SPAG16: variants seen among roughly 807,000 people sequenced by gnomAD.
SPAG16 encodes sperm-associated antigen 16 protein.
A neutral mutation model predicts 80.4 loss-of-function variants in SPAG16; 86 were observed. The observed-to-expected ratio is 1.07, with a 90% CI of 0.90 to 1.28. SPAG16 has a LOEUF of 1.28. SPAG16 is among the 50% of genes most tolerant of loss of function. The probability of loss-of-function intolerance (pLI) is 0.00; values close to 1 mark genes in which losing one functional copy is unlikely to be tolerated. For synonymous variants in SPAG16, 294 were observed against 265.9 expected (o/e 1.11, Z -1.03); for missense variants, 870 against 765.3 (o/e 1.14, Z -1.61).
intron 10 of SPAG16, among the ~76,000 whole-genome samples, chr2:213,606,512 A>G (rs1244112552): frequency 1.3e-5 from 2 of 152,216 alleles, no homozygotes; most frequent in Admixed American, 1.3e-4. Flanking sequence ...TGACCATGAT[A>G]CATATGCTTC....
At chr2:213,839,713 T>C (rs1010734113) in intron 10 of SPAG16, among the ~76,000 whole-genome samples, 1 of 152,230 alleles carries the variant, frequency 6.6e-6, no homozygotes. Flanking sequence ...AAAGTTGACA[T>C]GTACAGTATG....
chr2:214,283,399 A>G (rs59040837), intron 15 of SPAG16, among the ~76,000 whole-genome samples: 3,087 of 152,210 alleles, frequency 0.02, 113 homozygotes, highest in African/African-American at 0.071. Context: ...TTAGCACTGT[A>G]TAACACTTCA....
At chr2:213,500,990 A>G (rs1230282676) in intron 10 of SPAG16, among the ~76,000 whole-genome samples, 1 of 152,214 alleles carries the variant, frequency 6.6e-6, no homozygotes, top group Non-Finnish European at 1.5e-5. Flanking sequence ...TGGTGAGGGT[A>G]GAGACCGTTC....
At chr2:213,442,999 A>T (rs1353390027) in intron 9 of SPAG16, among the ~76,000 whole-genome samples, 1 of 152,204 alleles carries the variant, frequency 6.6e-6, no homozygotes, top group Non-Finnish European at 1.5e-5. Flanking sequence ...TGCAGGAGAC[A>T]TATCTGATAA....
At chr2:213,894,267 G>A (rs963488881) in intron 11 of SPAG16, among the ~76,000 whole-genome samples, 7 of 152,074 alleles carry the variant, frequency 4.6e-5, no homozygotes, top group Non-Finnish European at 7.4e-5. Context: ...ATTCATCTCA[G>A]GAGTGCAAGG....
chr2:213,559,785 T>C (rs910174238), intron 10 of SPAG16, among the ~76,000 whole-genome samples: 3 of 152,084 alleles, frequency 2.0e-5, no homozygotes, highest in Non-Finnish European at 2.9e-5. Context: ...AAATACATGT[T>C]ATTATTTCAT....
At chr2:213,361,968 A>G (rs1373123625) in intron 7 of SPAG16, among the ~76,000 whole-genome samples, 1 of 152,096 alleles carries the variant, frequency 6.6e-6, no homozygotes, top group Admixed American at 6.6e-5. Flanking sequence ...GTTGGGGGTT[A>G]GGGCCAGGGT....
intron 15 of SPAG16, among the ~76,000 whole-genome samples, chr2:214,274,539 C>A (rs1219918496): frequency 6.6e-6 from 1 of 152,090 alleles, no homozygotes; most frequent in Non-Finnish European, 1.5e-5. Flanking sequence ...CTTTTTTCTG[C>A]ATCTATTGAG....
intron 10 of SPAG16, among the ~76,000 whole-genome samples, chr2:213,762,573 A>C (rs751230319): frequency 4.7e-4 from 71 of 152,242 alleles, no homozygotes; most frequent in Non-Finnish European, 8.4e-4. Flanking sequence ...GAATTTGGAA[A>C]AACTGGTTAC....
chr2:213,878,198 T>C (rs1436744116), intron 11 of SPAG16, among the ~76,000 whole-genome samples: 2 of 152,174 alleles, frequency 1.3e-5, no homozygotes, highest in African/African-American at 4.8e-5. Flanking sequence ...AGATACCTAG[T>C]AGTGAGATTG....
At chr2:213,803,677 C>T (rs565727893) in intron 10 of SPAG16, among the ~76,000 whole-genome samples, 11 of 152,334 alleles carry the variant, frequency 7.2e-5, no homozygotes, top group African/African-American at 2.4e-4. Context: ...CACCAAAAGA[C>T]TACTGAAAAT....
At chr2:214,059,451 C>G (rs2050143637) in intron 13 of SPAG16, among the ~76,000 whole-genome samples, 1 of 151,028 alleles carries the variant, frequency 6.6e-6, no homozygotes. Flanking sequence ...TTATCATATT[C>G]TTGTGGGGTT....
chr2:213,455,476 C>T (rs1027420995), intron 9 of SPAG16, among the ~76,000 whole-genome samples: 28 of 152,228 alleles, frequency 1.8e-4, no homozygotes, highest in African/African-American at 5.3e-4. Flanking sequence ...TACCTCAAGG[C>T]GGTTTGTCAA....
intron 10 of SPAG16, among the ~76,000 whole-genome samples, chr2:213,519,728 A>G (rs2075585432): frequency 6.6e-6 from 1 of 152,110 alleles, no homozygotes; most frequent in Non-Finnish European, 1.5e-5. Flanking sequence ...TCAGCAATAT[A>G]TAGTGCCTTT....
At chr2:214,255,251 C>A (rs1690595561) in intron 15 of SPAG16, among the ~76,000 whole-genome samples, 2 of 151,930 alleles carry the variant, frequency 1.3e-5, no homozygotes, top group Non-Finnish European at 2.9e-5. Flanking sequence ...CTGGGTCTTT[C>A]CTTCAGGGAA....
intron 10 of SPAG16, among the ~76,000 whole-genome samples, chr2:213,754,460 A>G (rs2068225456): frequency 6.6e-6 from 1 of 152,196 alleles, no homozygotes. Flanking sequence ...AACTCATTTT[A>G]GCTTCATCTT....
rs1041896599 is a variant in SPAG16 at position 214,046,832 on chromosome 2, T to C, written c.1527+32755T>C. ...AAACTGTTAAAACTTATAAACAAAT[T>C]CAGTAATGTTCCAGGATAAAAAATT... On this transcript the variant is annotated intron_variant, in intron 13 of 15. Transcript: ENST00000331683. Among the ~76,000 whole-genome samples the C allele has an allele frequency of 3.2e-4, 48 of 151,856 alleles. 1 individual carries two copies. The highest frequency in any genetic ancestry group is 3.0e-3 in the Admixed American group (45 of 15,236).
intron 15 of SPAG16, among the ~76,000 whole-genome samples, chr2:214,392,583 A>G (rs1250687555): frequency 6.6e-6 from 1 of 152,158 alleles, no homozygotes; most frequent in East Asian, 1.9e-4. Context: ...AAAATCATCA[A>G]AATGAATTTG....
At chr2:213,463,293 C>G (rs2072484423) in intron 9 of SPAG16, among the ~76,000 whole-genome samples, 1 of 152,198 alleles carries the variant, frequency 6.6e-6, no homozygotes, top group Admixed American at 6.5e-5. Flanking sequence ...AAAGAAAAAC[C>G]TATTTTCTGG....
Sources: allele counts gnomAD v4.1 joint callset (sites outside exome capture counted in the v4.1 genomes callset), GRCh38; gene constraint gnomAD v4.1.1; transcripts MANE v1.5; gene names NCBI Gene and HGNC (gene_info 2026-07-23, HGNC 2026-07-21).